The following TALDO1 variants were observed in gnomAD, a reference collection of about 807,000 sequenced individuals.
TALDO1 encodes transaldolase.
Under a neutral mutation model 38.1 loss-of-function variants are expected in TALDO1, and 29 were observed. The observed-to-expected ratio is 0.76, with a 90% CI of 0.57 to 1.04. TALDO1 has a LOEUF of 1.04. TALDO1 is among the 50% of genes least tolerant of loss of function. The pLI, the probability that TALDO1 is intolerant of heterozygous loss-of-function variation, is 0.00. For missense variants in TALDO1, 499 were observed against 438.1 expected, an observed-to-expected ratio of 1.14 and a Z score of -1.24; for synonymous variants, 207 against 176.8, an observed-to-expected ratio of 1.17 and a Z score of -1.36.
At chr11:763,707 C>G (rs1862996961) in intron 5 of TALDO1, 40 bp from the exon 6 acceptor site, 1 of 1,610,606 alleles carries the variant, frequency 6.2e-7, no homozygotes, top group African/African-American at 1.3e-5. Context: ...GGTGGTACCT[C>G]TGCCGAAGCC....
chr11:761,280 G>A (rs184774044), intron 4 of TALDO1, among the ~76,000 whole-genome samples: 1 of 148,392 alleles, frequency 6.7e-6, no homozygotes, highest in Non-Finnish European at 1.5e-5. Context: ...ACGTTGCAGT[G>A]AGCCGAGATT....
chr11:762,363 C>T lies in TALDO1; in HGVS notation c.462-981C>T, dbSNP rs186675862. The stretch of plus-strand genomic sequence containing the variant: ...ACCTGGTCAGTTTCCATCTCTTGAG[C>T]TGTGATGTATATTGCTGTGGTCGGT... On this transcript the variant is annotated intron_variant, in intron 4 of 7. Coordinates refer to ENST00000319006, the MANE Select transcript of TALDO1 (RefSeq NM_006755.2). Among the ~76,000 whole-genome samples the T allele has an allele frequency of 1.7e-4, 26 of 152,300 alleles. No homozygotes were observed. In the East Asian group the frequency reaches 4.8e-3, roughly 28 times the overall value.
chr11:763,621 T>C, intron 5 of TALDO1, 102 bp downstream of exon 5: 2 of 1,577,430 alleles, frequency 1.3e-6, no homozygotes. Context: ...AGCAGTGAGG[T>C]GCACAGGTCG....
intron 1 of TALDO1, among the ~76,000 whole-genome samples, chr11:750,338 A>G (rs1862729305): frequency 6.6e-6 from 1 of 151,952 alleles, no homozygotes. Flanking sequence ...GAAGAAAAAA[A>G]AATAGCCAGG....
chr11:754,533 G>A (rs1029617926), intron 1 of TALDO1, among the ~76,000 whole-genome samples: 1 of 151,804 alleles, frequency 6.6e-6, no homozygotes, highest in Non-Finnish European at 1.5e-5. Context: ...GTGCAGTGGT[G>A]CAATCTCAGC....
rs1216406986 is a variant in TALDO1 at position 764,900 on chromosome 11, T to C, written c.*55T>C. On this transcript the variant is annotated 3_prime_UTR_variant, in exon 8 of 8. Coordinates refer to ENST00000319006, the MANE Select transcript of TALDO1 (RefSeq NM_006755.2). ...CACCGCCGGCCAGCTGGGATCTGAC[T>C]GCACGTGGCTTCTGATGAATCTTGC... The C allele has an allele frequency of 2.5e-6, 4 of 1,610,412 alleles. No homozygotes were observed. The highest frequency in any genetic ancestry group is 1.8e-4 in the Middle Eastern group (1 of 5,480).
In TALDO1 at chr11:764,773, T is replaced by C. The variant is rs765172090; in HGVS notation, c.982-40T>C. On this transcript the variant is annotated intron_variant, in intron 7 of 7. Coordinates refer to ENST00000319006, the MANE Select transcript of TALDO1 (RefSeq NM_006755.2). Reference sequence around the variant, plus strand: ...TTGTGAGGCTTCAAGGTGCAGAAGGTAGGGTGGGGAGACACAGCTCGTGCT... The same window carrying C: ...TTGTGAGGCTTCAAGGTGCAGAAGGCAGGGTGGGGAGACACAGCTCGTGCT... 4.3e-6 allele frequency: 7 copies of C among 1,613,802 alleles called. No individual in the cohort carries two copies. The Admixed American group carries it at 6.7e-5, about 15-fold the overall frequency.
intron 1 of TALDO1, among the ~76,000 whole-genome samples, chr11:755,073 T>C (rs1862809043): frequency 6.6e-6 from 1 of 150,898 alleles, no homozygotes. Context: ...CTTCAGCAAC[T>C]AGGCTTGCAG....
rs776102808 is a variant in TALDO1, at chr11:755,886, C to A, written c.105C>A (p.Asp35Glu). ...TGAAAACTATTTCCCTAGCCATCGACGAGTACAAGCCCCAGGATGCTACCA... is the reference window on the plus strand; with the variant it reads ...TGAAAACTATTTCCCTAGCCATCGAAGAGTACAAGCCCCAGGATGCTACCA... ...VADTGDFHAIDEYKPQDATTN... is the reference protein window; with the variant it reads ...VADTGDFHAIEEYKPQDATTN... The change falls in exon 2 of 8, where the codon GAC (aspartate) becomes GAA (glutamate). Residue 35 changes from aspartate (D) to glutamate (E), a missense_variant. By Grantham distance (45) the Asp-to-Glu change is conservative. Coordinates refer to ENST00000319006, the MANE Select transcript of TALDO1 (RefSeq NM_006755.2). 1.9e-6 allele frequency: 3 copies of A among 1,614,196 alleles called. No individual in the cohort carries two copies. In the South Asian group the frequency reaches 3.3e-5, roughly 18 times the overall value.
In TALDO1 at chr11:763,884, C is replaced by T; in HGVS notation, c.775C>T (p.Leu259Phe). ...GCDFLTISPK[L>F]LGELLQDNAK... ...TGACTTCCTCACCATCTCACCCAAG[C>T]TCCTGGGAGAGCTGCTGCAGGACAA... Residue 259 changes from leucine to phenylalanine, a missense_variant, in exon 6 of 8, where the codon CTC becomes TTC. By Grantham distance (22) the Leu-to-Phe change is conservative. Transcript: ENST00000319006. 2 of 1,613,564 alleles carry T rather than the reference C, an allele frequency of 1.2e-6. No individual in the cohort carries two copies.
intron 2 of TALDO1, 51 bp downstream of exon 2, chr11:756,053 G>C: frequency 6.3e-7 from 1 of 1,585,300 alleles, no homozygotes; most frequent in Non-Finnish European, 8.6e-7. Flanking sequence ...TGCTAGTCTA[G>C]TTGGCCTTGC....
At chr11:758,859 C>T in intron 2 of TALDO1, 91 bp from the exon 3 acceptor site, 1 of 950,684 alleles carries the variant, frequency 1.1e-6, no homozygotes, top group East Asian at 3.1e-5. Flanking sequence ...CCCACCTCGG[C>T]CTCCCAAAGT....
At chr11:757,773 T>C (rs554051807) in intron 2 of TALDO1, among the ~76,000 whole-genome samples, 2 of 152,168 alleles carry the variant, frequency 1.3e-5, no homozygotes, top group Non-Finnish European at 2.9e-5. Context: ...GGATGCAGTT[T>C]GGGATGATGA....
chr11:751,711 C>G (rs1035115657), intron 1 of TALDO1, among the ~76,000 whole-genome samples: 1 of 152,100 alleles, frequency 6.6e-6, no homozygotes, highest in African/African-American at 2.4e-5. Context: ...GAGATAATTG[C>G]TTGAACCTGG....
chr11:764,025 T>C, intron 6 of TALDO1, 81 bp downstream of exon 6: 1 of 1,523,154 alleles, frequency 6.6e-7, no homozygotes, highest in Non-Finnish European at 8.9e-7. Flanking sequence ...GGGTGATCCC[T>C]CCCACCTGTG....
intron 1 of TALDO1, 75 bp downstream of exon 1, chr11:747,653 C>T (rs1862684101): frequency 1.5e-6 from 2 of 1,332,368 alleles, no homozygotes; most frequent in Non-Finnish European, 2.0e-6. Context: ...CCCCGGGTCT[C>T]CCGTTCCGGG....
chr11:763,322 C>T, intron 4 of TALDO1, 22 bp from the exon 5 acceptor site: 4 of 1,552,544 alleles, frequency 2.6e-6, no homozygotes, highest in Non-Finnish European at 3.5e-6. Context: ...CTGCCCCGCC[C>T]TCACCTGTCC....
intron 4 of TALDO1, among the ~76,000 whole-genome samples, chr11:761,742 G>A (rs1316594532): frequency 4.6e-5 from 7 of 152,038 alleles, no homozygotes; most frequent in South Asian, 2.1e-4. Flanking sequence ...GCAGTGGCAC[G>A]AACTTGGCTC....
chr11:752,025 T>C (rs866980491), intron 1 of TALDO1, among the ~76,000 whole-genome samples: 5 of 152,092 alleles, frequency 3.3e-5, no homozygotes, highest in African/African-American at 9.7e-5. Context: ...GAGGAATCTT[T>C]CCTGCCTGTT....
Sources: gnomAD v4.1 joint callset for allele counts (sites outside exome capture counted in the v4.1 genomes callset) on GRCh38, gnomAD v4.1.1 for gene constraint, MANE v1.5 for transcripts, NCBI Gene and HGNC (gene_info 2026-07-23, HGNC 2026-07-21) for gene names.